Variants in ARSG observed in about 807,000 individuals in gnomAD.
The protein encoded by ARSG is arylsulfatase G, also known as ASG.
ARSG carries 37 observed loss-of-function variants against 50.5 expected under a neutral mutation model. That is an observed-to-expected ratio of 0.73 (90% CI 0.56 to 0.96). ARSG has a LOEUF of 0.96. Ranked by LOEUF, ARSG falls within the 50% of genes least tolerant of loss-of-function variation. ARSG has a pLI of 0.00. For missense variants in ARSG, 629 were observed against 675.3 expected (o/e 0.93, Z 0.76); for synonymous variants, 225 against 254.6 (o/e 0.88, Z 1.11).
intron 1 of ARSG, among the ~76,000 whole-genome samples, chr17:68,272,319 C>G (rs12940934): frequency 0.053 from 8,029 of 152,224 alleles, 235 homozygotes; most frequent in African/African-American, 0.081. Flanking sequence ...TTGAATGTAG[C>G]TCTTTTGAAA....
chr17:68,392,993 G>A (rs2081067649), intron 9 of ARSG, among the ~76,000 whole-genome samples: 1 of 152,196 alleles, frequency 6.6e-6, no homozygotes, highest in African/African-American at 2.4e-5. Context: ...CACCAAGCTG[G>A]TGACAGGTAG....
chr17:68,327,281 G>A (rs1194046589), intron 2 of ARSG, among the ~76,000 whole-genome samples: 4 of 152,128 alleles, frequency 2.6e-5, no homozygotes, highest in Non-Finnish European at 5.9e-5. Flanking sequence ...AGGTGTACTC[G>A]TTTTGAGGCC....
At chr17:68,332,987 T>C (rs1297212619) in intron 2 of ARSG, among the ~76,000 whole-genome samples, 4 of 152,200 alleles carry the variant, frequency 2.6e-5, no homozygotes, top group Non-Finnish European at 5.9e-5. Flanking sequence ...GCCTGGATTA[T>C]AGTAAGTGTT....
downstream of ARSG, among the ~76,000 whole-genome samples, chr17:68,425,246 T>C (rs541830193): frequency 6.6e-6 from 1 of 152,340 alleles, no homozygotes; most frequent in South Asian, 2.1e-4. Flanking sequence ...CTCTTTCACC[T>C]AGGCTGGAGT....
chr17:68,311,629 G>A (rs2076857942), intron 2 of ARSG, among the ~76,000 whole-genome samples: 2 of 151,994 alleles, frequency 1.3e-5, no homozygotes, highest in African/African-American at 4.8e-5. Context: ...ATGGTGACGT[G>A]AAGATGGAGG....
In ARSG at chr17:68,356,672, T is replaced by C. The variant is rs1239672204; in HGVS notation, c.572T>C (p.Leu191Pro). The stretch of plus-strand genomic sequence containing the variant: ...GGTCTGTGGTTTCCACACAGGAACC[T>C]TCAAAGAGACTGTTACACTGACGTG... The part of the protein sequence containing the change: ...CPQGDGPSRN[L>P]QRDCYTDVAL... The change falls in exon 6 of 12, where the codon CTT becomes CCT. Residue 191 changes from leucine to proline, a missense_variant. By Grantham distance (98) the Leu-to-Pro change is moderately conservative (BLOSUM62 -3). Transcript: ENST00000621439. 1.2e-6 allele frequency: 2 copies of C among 1,614,094 alleles called. No individual in the cohort carries two copies. The highest frequency in any genetic ancestry group is 2.7e-5 in the African/African-American group (2 of 74,930).
At chr17:68,310,976 A>G (rs531409204) in intron 2 of ARSG, among the ~76,000 whole-genome samples, 16 of 152,356 alleles carry the variant, frequency 1.1e-4, no homozygotes, top group Admixed American at 9.1e-4. Context: ...CAAGGTGGGC[A>G]CATCACTTGA....
At chr17:68,372,995 G>A (rs1392615320) in intron 8 of ARSG, among the ~76,000 whole-genome samples, 3 of 144,780 alleles carry the variant, frequency 2.1e-5, no homozygotes, top group Non-Finnish European at 4.5e-5. Context: ...GGGCTCAAGC[G>A]ATTCTCCTAC....
intron 1 of ARSG, among the ~76,000 whole-genome samples, chr17:68,301,078 A>C (rs1282080780): frequency 6.6e-6 from 1 of 151,442 alleles, no homozygotes; most frequent in African/African-American, 2.4e-5. Context: ...AGATCGCACC[A>C]CTGCACTCCA....
chr17:68,358,335 TCGAGGCCA>T (rs1250453451), intron 6 of ARSG, among the ~76,000 whole-genome samples: 1 of 152,036 alleles, frequency 6.6e-6, no homozygotes, highest in Non-Finnish European at 1.5e-5. Context: ...CCAGGATCGC[TCGAGGCCA>T]GGAATTCCAG....
chr17:68,395,876 C>A (rs1646496364), intron 10 of ARSG, among the ~76,000 whole-genome samples: 1 of 152,162 alleles, frequency 6.6e-6, no homozygotes, highest in South Asian at 2.1e-4. Context: ...TCCATGCAAA[C>A]TGGATGAACC....
the ARSG span, chr17:68,430,266 GAGAC>G: frequency 1.7e-6 from 2 of 1,170,736 alleles, no homozygotes; most frequent in Non-Finnish European, 2.4e-6. Context: ...GCAGCAGGGA[GAGAC>G]TGTGCCTTAG....
At chr17:68,408,127 T>C (rs1338096722) in intron 11 of ARSG, among the ~76,000 whole-genome samples, 1 of 152,126 alleles carries the variant, frequency 6.6e-6, no homozygotes, top group African/African-American at 2.4e-5. Flanking sequence ...ATATTTCTTT[T>C]TTTATTATTA....
chr17:68,278,071 G>C (rs1188663250), intron 1 of ARSG: 2 of 1,570,048 alleles, frequency 1.3e-6, no homozygotes, highest in Admixed American at 3.4e-5. Context: ...TCATGGTTAG[G>C]CCGAAAGATG....
rs2082722441 is a variant in ARSG at position 68,420,794 on chromosome 17, A to C, written c.*331A>C. The C allele has an allele frequency of 3.3e-6, 1 of 306,494 alleles. No individual in the cohort carries two copies. Among genetic ancestry groups the C allele is most frequent in the African/African-American group, 2.1e-5 (1 of 46,574 alleles). The allele number at this position is 306,494 out of a possible 1,614,324, so 19.0% of individuals were successfully genotyped here. A position where few individuals can be genotyped will look rare whatever the true frequency, so the allele number is the denominator to read the frequency against. On this transcript the variant is annotated 3_prime_UTR_variant, in exon 12 of 12. Transcript: ENST00000621439. The stretch of plus-strand genomic sequence containing the variant: ...TTTTGAGGGTTAAATAAAGGCATAC[A>C]TGAAAATGCCTGGCAAATTACCTGA...
chr17:68,326,762 G>A (rs1362853668), intron 2 of ARSG, among the ~76,000 whole-genome samples: 2 of 152,154 alleles, frequency 1.3e-5, no homozygotes, highest in Non-Finnish European at 1.5e-5. Flanking sequence ...GATGCCAAAC[G>A]GGGTCCAGAT....
intron 5 of ARSG, among the ~76,000 whole-genome samples, chr17:68,352,107 GA>G (rs2078802550): frequency 7.7e-6 from 1 of 129,164 alleles, no homozygotes; most frequent in Non-Finnish European, 1.7e-5. Context: ...GAGAGAGAGA[GA>G]GAGAGACAGA....
chr17:68,450,453 C>T, the ARSG span, among the ~76,000 whole-genome samples: 7 of 152,162 alleles, frequency 4.6e-5, no homozygotes, highest in South Asian at 2.1e-4. Flanking sequence ...CCCATCCCTG[C>T]GGTGCCCAAT....
intron 1 of ARSG, among the ~76,000 whole-genome samples, chr17:68,284,942 G>A (rs1041125599): frequency 1.1e-4 from 16 of 152,090 alleles, no homozygotes; most frequent in African/African-American, 3.4e-4. Context: ...CCCGGACCCT[G>A]CCTGTACCTT....
Sources: allele counts gnomAD v4.1 joint callset (sites outside exome capture counted in the v4.1 genomes callset), GRCh38; gene constraint gnomAD v4.1.1; transcripts MANE v1.5; gene names NCBI Gene and HGNC (gene_info 2026-07-23, HGNC 2026-07-21).